ABCB11: variants seen among roughly 807,000 people sequenced by gnomAD.
ABCB11 encodes the protein bile salt export pump.
A neutral mutation model predicts 148.0 loss-of-function variants in ABCB11; 95 were observed. That is an observed-to-expected ratio of 0.64 (90% CI 0.54 to 0.76). The LOEUF is 0.76. Among genes scored for constraint, ABCB11 ranks in the 30% least tolerant of loss-of-function variants. The pLI is 0.00. For missense variants in ABCB11, 1,523 were observed against 1,617.8 expected (o/e 0.94, Z 1.01); for synonymous variants, 591 against 555.4 (o/e 1.06, Z -0.90).
At chr2:168,972,253 T>A (rs1388045457) in intron 13 of ABCB11, among the ~76,000 whole-genome samples, 1 of 152,076 alleles carries the variant, frequency 6.6e-6, no homozygotes, top group Non-Finnish European at 1.5e-5. Context: ...CAATTCATTG[T>A]GGAAACATAA....
intron 10 of ABCB11, among the ~76,000 whole-genome samples, chr2:168,980,978 G>A (rs114304678): frequency 2.2e-3 from 336 of 152,282 alleles, no homozygotes; most frequent in African/African-American, 7.6e-3. Context: ...CTTGTGACTC[G>A]CATAGAGGAT....
chr2:168,946,430 T>A (rs1189235129), intron 19 of ABCB11, among the ~76,000 whole-genome samples: 2 of 151,810 alleles, frequency 1.3e-5, no homozygotes, highest in Admixed American at 6.6e-5. Flanking sequence ...GGAGGGGTTC[T>A]AAATTAATGA....
chr2:168,992,959 C>G (rs931586513), intron 8 of ABCB11, among the ~76,000 whole-genome samples: 1 of 151,940 alleles, frequency 6.6e-6, no homozygotes, highest in Non-Finnish European at 1.5e-5. Context: ...GATTCCATAA[C>G]GTGCTATCTA....
intron 8 of ABCB11, among the ~76,000 whole-genome samples, chr2:168,993,412 T>C (rs1378198185): frequency 6.6e-6 from 1 of 152,082 alleles, no homozygotes; most frequent in Non-Finnish European, 1.5e-5. Flanking sequence ...GCTCACTTTA[T>C]AAGATTGTTG....
chr2:169,026,507 A>G (rs1695701006), intron 1 of ABCB11, among the ~76,000 whole-genome samples: 2 of 152,210 alleles, frequency 1.3e-5, no homozygotes, highest in South Asian at 2.1e-4. Flanking sequence ...TGGGAATTTT[A>G]TAACACTAAG....
chr2:168,976,581 A>T lies in ABCB11; in HGVS notation c.1304T>A (p.Val435Glu). 1 of 1,573,860 alleles carries T rather than the reference A, an allele frequency of 6.4e-7. No homozygotes were observed. The change falls in exon 12 of 28, where the codon GTG becomes GAG. Residue 435 changes from valine (V) to glutamate (E), a missense_variant. Coordinates refer to ENST00000650372, the MANE Select transcript of ABCB11 (RefSeq NM_003742.4). ...GGGGAACAGACCAGCACTCACCTTCACCTCTGGTCTGGAAGGATAATGGAA... is the reference window on the plus strand; with the variant it reads ...GGGGAACAGACCAGCACTCACCTTCTCCTCTGGTCTGGAAGGATAATGGAA... The part of the protein sequence containing the change: ...VTFHYPSRPE[V>E]KILNDLNMVI...
At chr2:169,019,082 A>G (rs1358698830) in intron 1 of ABCB11, among the ~76,000 whole-genome samples, 1 of 152,118 alleles carries the variant, frequency 6.6e-6, no homozygotes, top group East Asian at 1.9e-4. Flanking sequence ...GGCCCCATGC[A>G]CTGCTGAGAA....
Position 168,967,845 on chromosome 2 carries a change from C to A in ABCB11, c.2075+582G>T, listed in dbSNP as rs557820968. 2.9e-3 allele frequency among the ~76,000 whole-genome samples: 441 copies of A among 151,954 alleles called. 1 individual carries two copies. The highest frequency in any genetic ancestry group is 5.0e-3 in the Non-Finnish European group (337 of 67,886). ...AGTGTGTAGTCTCACTAATAGCATA[C>A]TCCAAAAATATATTTTGAAAGTAAA... On this transcript the variant is annotated intron_variant, in intron 17 of 27. Transcript: ENST00000650372.
chr2:168,982,354 T>C (rs1694160483), intron 10 of ABCB11, among the ~76,000 whole-genome samples: 1 of 152,292 alleles, frequency 6.6e-6, no homozygotes, highest in East Asian at 1.9e-4. Context: ...CGGAATGAGA[T>C]TGAGAGCATT....
At position 168,921,641 on chromosome 2, in the gene ABCB11, C is replaced by T. The variant is rs1359156048; in HGVS notation, c.*1981G>A. Among the ~76,000 whole-genome samples the T allele has an allele frequency of 6.6e-6, 1 of 151,968 alleles. No individual in the cohort carries two copies. The highest frequency in any genetic ancestry group is 1.5e-5 in the Non-Finnish European group (1 of 68,010). On this transcript the variant is annotated 3_prime_UTR_variant, in exon 28 of 28. Coordinates refer to ENST00000650372, the MANE Select transcript of ABCB11 (RefSeq NM_003742.4). ...TTCTAATTTCCTTTCTCCAGCTGCCCTATTGTTGCTTTTGCTTTATATGTT... is the reference window on the plus strand; with the variant it reads ...TTCTAATTTCCTTTCTCCAGCTGCCTTATTGTTGCTTTTGCTTTATATGTT...
intron 12 of ABCB11, among the ~76,000 whole-genome samples, chr2:168,975,444 T>C (rs1351685623): frequency 8.6e-6 from 1 of 115,984 alleles, no homozygotes; most frequent in African/African-American, 3.5e-5. Flanking sequence ...AATATATAAA[T>C]ATATAAATAT....
At position 168,970,255 on chromosome 2, in the gene ABCB11, T is replaced by C. The variant is rs771394137; in HGVS notation, c.1639-40A>G. The C allele has an allele frequency of 1.5e-5, 24 of 1,591,554 alleles. No homozygotes were observed. In the East Asian group the frequency reaches 2.7e-4, roughly 18 times the overall value. ...ACACCAGTCATGAAGGGAAAAGAATTTGATGGCTTCTGACAGTGATCCACT... is the reference window on the plus strand; with the variant it reads ...ACACCAGTCATGAAGGGAAAAGAATCTGATGGCTTCTGACAGTGATCCACT... On this transcript the variant is annotated intron_variant, in intron 14 of 27. Coordinates refer to ENST00000650372, the MANE Select transcript of ABCB11 (RefSeq NM_003742.4).
At chr2:169,014,418 G>A (rs187619218) in intron 3 of ABCB11, 64 bp from the exon 4 acceptor site, 5 of 1,486,130 alleles carry the variant, frequency 3.4e-6, no homozygotes, top group Non-Finnish European at 4.6e-6. Flanking sequence ...ATTCTCCCTA[G>A]GTGGTGATTT....
intron 9 of ABCB11, among the ~76,000 whole-genome samples, chr2:168,988,379 T>C (rs1694399935): frequency 1.3e-5 from 2 of 152,104 alleles, no homozygotes; most frequent in Admixed American, 6.6e-5. Flanking sequence ...GCCTGGCTTA[T>C]TTCACTTAAC....
At chr2:168,935,516 T>G (rs1049889638) in intron 22 of ABCB11, 91 bp from the exon 23 acceptor site, 1 of 1,466,706 alleles carries the variant, frequency 6.8e-7, no homozygotes, top group Middle Eastern at 1.8e-4. Flanking sequence ...ATGGTGCAAA[T>G]GGCAGAATGT....
Position 169,007,359 on chromosome 2 carries a change from G to A in ABCB11, c.389+5913C>T, listed in dbSNP as rs112451993. Among the ~76,000 whole-genome samples the A allele has an allele frequency of 1.3e-3, 192 of 152,254 alleles. 2 individuals are homozygous for A. Among genetic ancestry groups the A allele is most frequent in the African/African-American group, 4.4e-3 (182 of 41,554 alleles). ...TACAAAAATTTACTCAAAGTGGATC[G>A]TAGACTAACCGTGAGTGTATTAGTT... On this transcript the variant is annotated intron_variant, in intron 5 of 27. Coordinates refer to ENST00000650372, the MANE Select transcript of ABCB11 (RefSeq NM_003742.4).
chr2:168,977,329 A>C (rs976557956), intron 11 of ABCB11, among the ~76,000 whole-genome samples: 7 of 152,138 alleles, frequency 4.6e-5, no homozygotes, highest in Non-Finnish European at 7.4e-5. Flanking sequence ...AAGACCAGGC[A>C]ACTAGTCAAC....
At chr2:168,969,138 G>T (rs1256614369) in intron 16 of ABCB11, among the ~76,000 whole-genome samples, 2 of 150,392 alleles carry the variant, frequency 1.3e-5, no homozygotes, top group Non-Finnish European at 3.0e-5. Flanking sequence ...AAAAGGGGGG[G>T]ATGGAATTGA....
downstream of ABCB11, among the ~76,000 whole-genome samples, chr2:168,919,000 C>A (rs142398651): frequency 7.1e-3 from 1,076 of 151,922 alleles, 14 homozygotes; most frequent in African/African-American, 0.024. Flanking sequence ...TCACCTTCAT[C>A]TTTTACAATA....
Sources: allele counts gnomAD v4.1 joint callset (sites outside exome capture counted in the v4.1 genomes callset), GRCh38; gene constraint gnomAD v4.1.1; transcripts MANE v1.5; gene names NCBI Gene and HGNC (gene_info 2026-07-23, HGNC 2026-07-21).